Variants in DMXL1 observed in about 807,000 individuals in gnomAD.
DMXL1 encodes the protein Dmx like 1.
DMXL1 carries 99 observed loss-of-function variants against 319.2 expected under a neutral mutation model. The observed-to-expected ratio is 0.31, with a 90% CI of 0.26 to 0.37. DMXL1 has a LOEUF of 0.37. Ranked by LOEUF, DMXL1 falls within the 10% of genes least tolerant of loss-of-function variation. The probability of loss-of-function intolerance (pLI) is 1.00; values close to 1 mark genes in which losing one functional copy is unlikely to be tolerated. For synonymous variants in DMXL1, 1,385 were observed against 1,235.2 expected, an observed-to-expected ratio of 1.12 and a Z score of -2.54; for missense variants, 3,745 against 3,595.6, an observed-to-expected ratio of 1.04 and a Z score of -1.06.
rs147588798 is a variant in DMXL1, at chr5:119,098,089, A to G, written c.198A>G (p.Ser66=). The G allele has an allele frequency of 4.1e-4, 660 of 1,599,410 alleles. 1 individual carries two copies. Among genetic ancestry groups the G allele is most frequent in the Middle Eastern group, 6.6e-4 (4 of 6,024 alleles). Residue 66 remains serine, a synonymous_variant, in exon 2 of 44, where the codon TCA becomes TCG. Coordinates refer to ENST00000539542, the MANE Select transcript of DMXL1 (RefSeq NM_001290321.3). ...GNIQVGCVDC[S]MQQGKIAASY... is the part of the protein sequence containing the mutation. ...TTCAAGTGGGATGTGTAGACTGTTC[A>G]ATGCAACAAGGCAAGGTTTGTAATC...
intron 33 of DMXL1, among the ~76,000 whole-genome samples, chr5:119,205,567 C>G (rs1039205608): frequency 2.0e-5 from 3 of 151,796 alleles, no homozygotes; most frequent in Non-Finnish European, 2.9e-5. Context: ...ATAGCCCTTA[C>G]TTTGCAATGT....
chr5:119,133,965 T>G lies in DMXL1; in HGVS notation c.2041T>G (p.Cys681Gly). The change falls in exon 12 of 44, where the codon TGC (cysteine) becomes GGC (glycine). Residue 681 changes from cysteine to glycine, a missense_variant. Coordinates refer to ENST00000539542, the MANE Select transcript of DMXL1 (RefSeq NM_001290321.3). ...QPFDALNIEE[C>G]SLTQQNKSTV... Reference sequence around the variant, plus strand: ...TTTTGATGCTCTAAATATTGAAGAATGCTCTTTGACACAACAAAATAAAAG... The same window carrying G: ...TTTTGATGCTCTAAATATTGAAGAAGGCTCTTTGACACAACAAAATAAAAG... 6.2e-7 allele frequency: 1 copy of G among 1,614,222 alleles called. No homozygotes were observed. The highest frequency in any genetic ancestry group is 8.5e-7 in the Non-Finnish European group (1 of 1,180,044).
At chr5:119,240,001 G>T (rs1167562338) in intron 41 of DMXL1, among the ~76,000 whole-genome samples, 1 of 151,688 alleles carries the variant, frequency 6.6e-6, no homozygotes, top group Non-Finnish European at 1.5e-5. Flanking sequence ...GAGCATGTTG[G>T]CTCATGCCTG....
At chr5:119,195,268 CAG>C (rs1561847302) in intron 30 of DMXL1, among the ~76,000 whole-genome samples, 10 of 152,112 alleles carry the variant, frequency 6.6e-5, no homozygotes. Flanking sequence ...ATATTGAAAA[CAG>C]GGACTGAAAC....
chr5:119,087,153 T>G (rs1035430004), intron 1 of DMXL1, among the ~76,000 whole-genome samples: 8 of 152,062 alleles, frequency 5.3e-5, no homozygotes, highest in Non-Finnish European at 7.4e-5. Flanking sequence ...TCTTTTTTTT[T>G]GTCTCTATTT....
At chr5:119,125,491 A>G (rs1467726547) in intron 9 of DMXL1, among the ~76,000 whole-genome samples, 1 of 152,208 alleles carries the variant, frequency 6.6e-6, no homozygotes, top group Non-Finnish European at 1.5e-5. Flanking sequence ...TACAAAAATG[A>G]ATTACTAATG....
rs1466688484 is a variant in DMXL1, at chr5:119,150,396, T to C, written c.4569T>C (p.Ile1523=). The change falls in exon 18 of 44, where the codon ATT becomes ATC. Residue 1523 remains isoleucine (I), a synonymous_variant. Coordinates refer to ENST00000539542, the MANE Select transcript of DMXL1 (RefSeq NM_001290321.3). Reference sequence around the variant, plus strand: ...CAATTGCAACTACAAGCACTGATATTGGAGAAAGCCGAGACAGAAGCCAAG... The same window carrying C: ...CAATTGCAACTACAAGCACTGATATCGGAGAAAGCCGAGACAGAAGCCAAG... ...ADTIATTSTD[I]GESRDRSQGG... 8 of 1,612,272 alleles carry C rather than the reference T, an allele frequency of 5.0e-6. No individual in the cohort carries two copies. The highest frequency in any genetic ancestry group is 1.3e-5 in the African/African-American group (1 of 74,784).
At chr5:119,221,561 C>G (rs1354969097) in intron 37 of DMXL1, among the ~76,000 whole-genome samples, 1 of 152,022 alleles carries the variant, frequency 6.6e-6, no homozygotes, top group Non-Finnish European at 1.5e-5. Flanking sequence ...AGGAACACAG[C>G]CAGTCATTTG....
chr5:119,219,783 C>G (rs1348182748), intron 35 of DMXL1, among the ~76,000 whole-genome samples: 1 of 151,976 alleles, frequency 6.6e-6, no homozygotes, highest in Non-Finnish European at 1.5e-5. Flanking sequence ...GCCCAGGCTA[C>G]TATCGAACTC....
At chr5:119,224,908 C>T in intron 38 of DMXL1, 139 bp downstream of exon 38, 1 of 373,262 alleles carries the variant, frequency 2.7e-6, no homozygotes, top group East Asian at 4.0e-5. Flanking sequence ...GAATATTTGC[C>T]AGTAAATAAA....
intron 10 of DMXL1, among the ~76,000 whole-genome samples, chr5:119,130,501 C>A (rs1390153186): frequency 1.3e-5 from 2 of 152,126 alleles, no homozygotes; most frequent in Non-Finnish European, 2.9e-5. Context: ...CGCCACCACA[C>A]CTGGCTAATT....
intron 32 of DMXL1, among the ~76,000 whole-genome samples, chr5:119,200,564 G>T (rs921862400): frequency 6.6e-6 from 1 of 151,988 alleles, no homozygotes; most frequent in Non-Finnish European, 1.5e-5. Flanking sequence ...CTCTTTTTAC[G>T]TTCCATATTA....
chr5:119,110,397 T>C lies in DMXL1; in HGVS notation c.497+114T>C, dbSNP rs534866770. On this transcript the variant is annotated intron_variant, in intron 5 of 43. Transcript: ENST00000539542. Reference sequence around the variant, plus strand: ...TGACATAAAAAGTATTGATTTTTAGTCTATGATATGCTTTTTCTTATACAC... The same window carrying C: ...TGACATAAAAAGTATTGATTTTTAGCCTATGATATGCTTTTTCTTATACAC... The C allele has an allele frequency of 3.5e-4, 333 of 955,134 alleles. 1 individual carries two copies. The highest frequency in any genetic ancestry group is 4.7e-4 in the Non-Finnish European group (315 of 670,790). 59.2% of individuals were successfully genotyped at this position (955,134 alleles called of 1,614,324 possible). A position where few individuals can be genotyped will look rare whatever the true frequency, so the allele number is the denominator to read the frequency against.
intron 35 of DMXL1, among the ~76,000 whole-genome samples, chr5:119,219,619 G>A (rs1784313035): frequency 6.6e-6 from 1 of 151,870 alleles, no homozygotes; most frequent in Admixed American, 6.6e-5. Context: ...CTGGTGCCCA[G>A]TGCTGTGGTG....
intron 10 of DMXL1, among the ~76,000 whole-genome samples, chr5:119,131,657 G>A (rs1199973285): frequency 2.0e-5 from 3 of 152,176 alleles, no homozygotes; most frequent in Non-Finnish European, 4.4e-5. Context: ...TAACTGAGTG[G>A]TTAAATATAG....
intron 38 of DMXL1, among the ~76,000 whole-genome samples, chr5:119,226,090 A>G (rs957275461): frequency 6.6e-6 from 1 of 152,272 alleles, no homozygotes. Context: ...CCATAAACTT[A>G]AAGAGGCCAC....
Position 119,171,871 on chromosome 5 carries a change from G to A in DMXL1, c.6583G>A (p.Ala2195Thr), listed in dbSNP as rs1038171077. 4 of 1,613,662 alleles carry A rather than the reference G, an allele frequency of 2.5e-6. No homozygotes were observed. The highest frequency in any genetic ancestry group is 3.3e-5 in the Admixed American group (2 of 59,968). Residue 2195 changes from alanine (A) to threonine (T), a missense_variant, in exon 25 of 44, where the codon GCC becomes ACC. Coordinates refer to ENST00000539542, the MANE Select transcript of DMXL1 (RefSeq NM_001290321.3). ...TACAGCCAATGCCAAAACAGTAGTT[G>A]CCAATCCATTATTGCACCTTAGTAA... ...ACTANAKTVVANPLLHLSNLT... is the reference protein window; with the variant it reads ...ACTANAKTVVTNPLLHLSNLT...
intron 7 of DMXL1, among the ~76,000 whole-genome samples, chr5:119,118,493 C>T (rs950582374): frequency 1.3e-4 from 20 of 151,754 alleles, no homozygotes; most frequent in Non-Finnish European, 2.8e-4. Context: ...ACCTGTAATC[C>T]CAGGATGAGG....
At chr5:119,163,227 A>G (rs1772651787) in intron 19 of DMXL1, among the ~76,000 whole-genome samples, 1 of 152,112 alleles carries the variant, frequency 6.6e-6, no homozygotes, top group Non-Finnish European at 1.5e-5. Context: ...TAGTTCCATG[A>G]TTATTTGCAT....
Sources: gnomAD v4.1 joint callset for allele counts (sites outside exome capture counted in the v4.1 genomes callset) on GRCh38, gnomAD v4.1.1 for gene constraint, MANE v1.5 for transcripts, NCBI Gene and HGNC (gene_info 2026-07-23, HGNC 2026-07-21) for gene names.